The following ERICH6B variants were observed in gnomAD, a reference collection of about 807,000 sequenced individuals.
ERICH6B encodes the protein glutamate-rich protein 6B.
Under a neutral mutation model 80.0 loss-of-function variants are expected in ERICH6B, and 69 were observed. The observed-to-expected ratio is 0.86, with a 90% CI of 0.71 to 1.05. The LOEUF (loss-of-function observed/expected upper bound fraction) is 1.05. ERICH6B is among the 50% of genes least tolerant of loss of function. ERICH6B has a pLI of 0.00. For missense variants in ERICH6B, 754 were observed against 796.1 expected (o/e 0.95, Z 0.64); for synonymous variants, 283 against 291.9 (o/e 0.97, Z 0.31).
intron 13 of ERICH6B, among the ~76,000 whole-genome samples, chr13:45,547,955 C>A (rs1874055866): frequency 6.6e-6 from 1 of 152,162 alleles, no homozygotes. Flanking sequence ...TCTGGAACAT[C>A]TAGAAATGGT....
intron 2 of ERICH6B, among the ~76,000 whole-genome samples, chr13:45,606,758 T>C (rs1425455025): frequency 1.3e-5 from 2 of 151,486 alleles, no homozygotes; most frequent in African/African-American, 4.9e-5. Flanking sequence ...TTCACCATAT[T>C]GGCCAGCCTG....
chr13:45,593,635 A>T lies in ERICH6B; in HGVS notation c.637+2734T>A, dbSNP rs144320023. On this transcript the variant is annotated intron_variant, in intron 3 of 14. Transcript: ENST00000298738. ...AACTAGTGAAAGGGAGAGAGCTGGCATTCAAACCTAGGCAGTCAAGCTCCT... is the reference window on the plus strand; with the variant it reads ...AACTAGTGAAAGGGAGAGAGCTGGCTTTCAAACCTAGGCAGTCAAGCTCCT... 3.9e-5 allele frequency among the ~76,000 whole-genome samples: 6 copies of T among 152,332 alleles called. No individual in the cohort carries two copies. The East Asian group carries it at 1.2e-3, about 29-fold the overall frequency.
intron 1 of ERICH6B, among the ~76,000 whole-genome samples, chr13:45,612,191 T>C (rs541445846): frequency 6.6e-6 from 1 of 152,312 alleles, no homozygotes; most frequent in South Asian, 2.1e-4. Context: ...CTTCTGAAAA[T>C]GATAAGCTTC....
chr13:45,553,293 G>A (rs1874299093), intron 11 of ERICH6B, among the ~76,000 whole-genome samples: 2 of 152,122 alleles, frequency 1.3e-5, no homozygotes, highest in Admixed American at 1.3e-4. Flanking sequence ...ATGAAGCTGG[G>A]GACCGCATTG....
At chr13:45,554,290 T>C (rs1162024811) in intron 11 of ERICH6B, among the ~76,000 whole-genome samples, 1 of 152,222 alleles carries the variant, frequency 6.6e-6, no homozygotes, top group African/African-American at 2.4e-5. Context: ...TCACAAATGA[T>C]AGGATTTCCC....
At chr13:45,577,695 C>A (rs1184965586) in intron 7 of ERICH6B, among the ~76,000 whole-genome samples, 2 of 152,144 alleles carry the variant, frequency 1.3e-5, no homozygotes, top group Non-Finnish European at 2.9e-5. Flanking sequence ...CTCACTGTTA[C>A]AATCCTCCCA....
At chr13:45,577,688 A>G (rs1209109385) in intron 7 of ERICH6B, among the ~76,000 whole-genome samples, 1 of 152,058 alleles carries the variant, frequency 6.6e-6, no homozygotes, top group Non-Finnish European at 1.5e-5. Flanking sequence ...ATCATGGCTC[A>G]CTGTTACAAT....
intron 11 of ERICH6B, among the ~76,000 whole-genome samples, chr13:45,552,305 C>T (rs1874253442): frequency 6.6e-6 from 1 of 152,006 alleles, no homozygotes; most frequent in South Asian, 2.1e-4. Context: ...TCTAATTGTC[C>T]CCTGTCCCCA....
intron 13 of ERICH6B, among the ~76,000 whole-genome samples, chr13:45,546,148 G>A: frequency 6.6e-6 from 1 of 152,194 alleles, no homozygotes; most frequent in South Asian, 2.1e-4. Context: ...GGAATGAAGG[G>A]TGGATGGATT....
chr13:45,579,849 G>C (rs936424089), intron 7 of ERICH6B, 84 bp downstream of exon 7: 22 of 1,362,602 alleles, frequency 1.6e-5, no homozygotes, highest in Non-Finnish European at 2.2e-5. Context: ...ATCAGAGAGG[G>C]AGCCACCTGC....
At chr13:45,602,891 C>T (rs559855469) in intron 2 of ERICH6B, among the ~76,000 whole-genome samples, 1 of 152,278 alleles carries the variant, frequency 6.6e-6, no homozygotes, top group East Asian at 1.9e-4. Context: ...GAAACAGAAC[C>T]AGTGGGATAT....
At chr13:45,598,858 C>T (rs970138801) in intron 2 of ERICH6B, among the ~76,000 whole-genome samples, 2 of 152,182 alleles carry the variant, frequency 1.3e-5, no homozygotes, top group Non-Finnish European at 2.9e-5. Flanking sequence ...ATTCTTGGGA[C>T]AGCCGGTATC....
At chr13:45,595,991 C>T (rs150678785) in intron 3 of ERICH6B, among the ~76,000 whole-genome samples, 2 of 152,154 alleles carry the variant, frequency 1.3e-5, no homozygotes, top group East Asian at 1.9e-4. Context: ...ATGTATTACT[C>T]GTGTAATATG....
In ERICH6B at chr13:45,561,048, C is replaced by T. The variant is rs142229211; in HGVS notation, c.1407+321G>A. 2.5e-4 allele frequency among the ~76,000 whole-genome samples: 38 copies of T among 152,296 alleles called. No individual in the cohort carries two copies. In the East Asian group the frequency reaches 6.9e-3, roughly 28 times the overall value. ...TCAAGTGATCCTCCCTCCTCACCCT[C>T]CTAAGCAGCTGGGACTACAGATGCA... On this transcript the variant is annotated intron_variant, in intron 11 of 14. Transcript: ENST00000298738.
intron 3 of ERICH6B, among the ~76,000 whole-genome samples, chr13:45,596,130 T>A (rs1207139679): frequency 1.3e-5 from 2 of 152,204 alleles, no homozygotes; most frequent in Admixed American, 1.3e-4. Flanking sequence ...GAGCAGAACT[T>A]GGTCAGTAAA....
chr13:45,587,006 C>T (rs1237947256), intron 5 of ERICH6B, 57 bp downstream of exon 5: 8 of 1,500,372 alleles, frequency 5.3e-6, no homozygotes, highest in Non-Finnish European at 7.1e-6. Context: ...AAAACCATTC[C>T]TCCCCTGGCC....
At chr13:45,569,730 GT>G (rs1875071708) in intron 8 of ERICH6B, among the ~76,000 whole-genome samples, 1 of 152,214 alleles carries the variant, frequency 6.6e-6, no homozygotes, top group South Asian at 2.1e-4. Context: ...ACAGATACAA[GT>G]TTATGGCTTA....
chr13:45,549,692 G>C (rs1233295963), intron 13 of ERICH6B, among the ~76,000 whole-genome samples: 2 of 152,214 alleles, frequency 1.3e-5, no homozygotes, highest in Non-Finnish European at 2.9e-5. Context: ...TTCACACATG[G>C]AGGAGCAACG....
intron 14 of ERICH6B, 86 bp from the exon 15 acceptor site, chr13:45,541,766 G>T: frequency 7.8e-7 from 1 of 1,275,692 alleles, no homozygotes; most frequent in Non-Finnish European, 1.1e-6. Flanking sequence ...CTGTGGCCAG[G>T]ACCAAGCGTT....
Sources: allele counts gnomAD v4.1 joint callset (sites outside exome capture counted in the v4.1 genomes callset), GRCh38; gene constraint gnomAD v4.1.1; transcripts MANE v1.5; gene names NCBI Gene and HGNC (gene_info 2026-07-23, HGNC 2026-07-21).